PTPRD: variants seen among roughly 807,000 people sequenced by gnomAD.
The protein encoded by PTPRD is protein tyrosine phosphatase receptor type D, also known as receptor-type tyrosine-protein phosphatase delta.
PTPRD carries 34 observed loss-of-function variants against 214.5 expected under a neutral mutation model. That is an observed-to-expected ratio of 0.16 (90% CI 0.12 to 0.21). PTPRD has a LOEUF of 0.21. Ranked by LOEUF, PTPRD falls within the 10% of genes least tolerant of loss-of-function variation. The pLI is 1.00. For missense variants in PTPRD, 2,545 were observed against 2,398.7 expected, an observed-to-expected ratio of 1.06 and a Z score of -1.27; for synonymous variants, 1,128 against 845.7, an observed-to-expected ratio of 1.33 and a Z score of -5.79.
At chr9:8,853,846 C>T (rs1371940693) in intron 11 of PTPRD, among the ~76,000 whole-genome samples, 1 of 151,910 alleles carries the variant, frequency 6.6e-6, no homozygotes, top group East Asian at 1.9e-4. Flanking sequence ...AGCAGCTTTC[C>T]TAAAAGATAT....
chr9:10,375,264 T>A (rs2097705654), intron 2 of PTPRD, among the ~76,000 whole-genome samples: 1 of 152,082 alleles, frequency 6.6e-6, no homozygotes, highest in Non-Finnish European at 1.5e-5. Context: ...CTTAAAATTA[T>A]ATACAGAATG....
chr9:9,611,023 T>G (rs2094484717), intron 7 of PTPRD, among the ~76,000 whole-genome samples: 1 of 152,226 alleles, frequency 6.6e-6, no homozygotes, highest in Non-Finnish European at 1.5e-5. Flanking sequence ...AGTCTTCTAT[T>G]GTACCCTTAA....
chr9:9,622,873 G>T (rs1354217097), intron 7 of PTPRD, among the ~76,000 whole-genome samples: 1 of 152,172 alleles, frequency 6.6e-6, no homozygotes, highest in Non-Finnish European at 1.5e-5. Flanking sequence ...TAAGGGAAAA[G>T]ATTCTAAAAT....
Position 8,339,055 on chromosome 9 carries a change from GAGA to G in PTPRD, c.5254-11_5254-9del. On this transcript the variant is annotated splice_polypyrimidine_tract_variant and intron_variant, in intron 42 of 45. Transcript: ENST00000381196. Reference sequence around the variant, plus strand: ...GTATTGGTGACATTTCTCCTAAAAGGAGAGAAGATTAATGTTAAACTATGCAAA... The same window carrying G: ...GTATTGGTGACATTTCTCCTAAAAGGGAAGATTAATGTTAAACTATGCAAA... 1 of 1,609,304 alleles carries G rather than the reference GAGA, an allele frequency of 6.2e-7. No homozygotes were observed. Among genetic ancestry groups the G allele is most frequent in the South Asian group, 1.1e-5 (1 of 90,674 alleles).
intron 11 of PTPRD, among the ~76,000 whole-genome samples, chr9:8,744,002 A>G (rs1275877477): frequency 3.3e-5 from 5 of 152,000 alleles, no homozygotes; most frequent in Non-Finnish European, 7.4e-5. Flanking sequence ...CTCAAAAAAG[A>G]TATACAAATG....
chr9:8,503,515 C>T (rs1563895739), intron 23 of PTPRD, among the ~76,000 whole-genome samples: 1 of 152,074 alleles, frequency 6.6e-6, no homozygotes, highest in South Asian at 2.1e-4. Context: ...ACCAAACTTT[C>T]CACCAAAAAC....
intron 12 of PTPRD, among the ~76,000 whole-genome samples, chr9:8,647,910 T>G (rs2096728860): frequency 6.6e-6 from 1 of 152,220 alleles, no homozygotes; most frequent in African/African-American, 2.4e-5. Context: ...TTAGCACAGC[T>G]GACCAACCTT....
At chr9:8,667,925 T>C (rs537592853) in intron 12 of PTPRD, among the ~76,000 whole-genome samples, 58 of 152,280 alleles carry the variant, frequency 3.8e-4, no homozygotes, top group African/African-American at 1.3e-3. Context: ...GAGCCTATTC[T>C]GGCTTGAGAA....
At chr9:9,356,489 A>T (rs1248259996) in intron 9 of PTPRD, among the ~76,000 whole-genome samples, 1 of 151,492 alleles carries the variant, frequency 6.6e-6, no homozygotes, top group South Asian at 2.1e-4. Flanking sequence ...CATATTCATT[A>T]TGAATCATAT....
chr9:9,581,706 C>T (rs575905606), intron 7 of PTPRD, among the ~76,000 whole-genome samples: 1 of 152,190 alleles, frequency 6.6e-6, no homozygotes, highest in East Asian at 1.9e-4. Flanking sequence ...TTAATCAATG[C>T]CTAACTTATT....
At chr9:9,391,248 T>C (rs1190999153) in intron 9 of PTPRD, among the ~76,000 whole-genome samples, 2 of 152,162 alleles carry the variant, frequency 1.3e-5, no homozygotes, top group Non-Finnish European at 2.9e-5. Flanking sequence ...CAAGGAATAA[T>C]TTGTGTAGCC....
rs559486967 is a variant in PTPRD at position 8,480,496 on chromosome 9, C to A, written c.3413+3623G>T. Among the ~76,000 whole-genome samples, 183 of 152,280 alleles carry A rather than the reference C, an allele frequency of 1.2e-3. 1 individual carries two copies. The highest frequency in any genetic ancestry group is 3.8e-3 in the African/African-American group (157 of 41,544). ...CCCAATTAACTATGCTGTATGAGAACAATGAGAAAGGACACACTGTCGCTA... is the reference window on the plus strand; with the variant it reads ...CCCAATTAACTATGCTGTATGAGAAAAATGAGAAAGGACACACTGTCGCTA... On this transcript the variant is annotated intron_variant, in intron 30 of 45. Coordinates refer to ENST00000381196, the MANE Select transcript of PTPRD (RefSeq NM_002839.4).
intron 12 of PTPRD, among the ~76,000 whole-genome samples, chr9:8,683,774 C>T (rs1470012647): frequency 2.0e-5 from 3 of 152,304 alleles, no homozygotes; most frequent in East Asian, 1.9e-4. Flanking sequence ...CAAGGAGACA[C>T]GGCTTCTGCC....
At chr9:10,073,167 T>C (rs1303935493) in intron 3 of PTPRD, among the ~76,000 whole-genome samples, 1 of 152,030 alleles carries the variant, frequency 6.6e-6, no homozygotes, top group Admixed American at 6.6e-5. Context: ...CACAAGGTTT[T>C]AGGGCAGTGA....
At chr9:9,436,530 A>C (rs932873067) in intron 8 of PTPRD, among the ~76,000 whole-genome samples, 1 of 152,124 alleles carries the variant, frequency 6.6e-6, no homozygotes, top group Non-Finnish European at 1.5e-5. Context: ...ATGCATCCTA[A>C]AATAATTTCC....
rs765495792 is a variant in PTPRD, at chr9:8,607,479, CAAA to C, written c.352+25835_352+25837del. ...TCAACATGGTGAAACCCCGTCTCTA[CAAA>C]AAATACAAAAATTAGCTGATCGTGG... is the stretch of plus-strand genomic sequence containing the variant. On this transcript the variant is annotated intron_variant, in intron 14 of 45. Coordinates refer to ENST00000381196, the MANE Select transcript of PTPRD (RefSeq NM_002839.4). 1.4e-4 allele frequency among the ~76,000 whole-genome samples: 22 copies of C among 152,100 alleles called. No individual in the cohort carries two copies. The East Asian group carries it at 2.3e-3, about 16-fold the overall frequency.
In PTPRD at chr9:9,647,731, G is replaced by T. The variant is rs984462528; in HGVS notation, c.-286-72950C>A. 2.6e-5 allele frequency among the ~76,000 whole-genome samples: 4 copies of T among 152,286 alleles called. No individual in the cohort carries two copies. In the East Asian group the frequency reaches 5.8e-4, roughly 22 times the overall value. ...CTTGTTCAGCCTTATTGTGACAGCA[G>T]ACCTTTTTGTCTTGGCTTTATGTAG... is the stretch of plus-strand genomic sequence containing the variant. On this transcript the variant is annotated intron_variant, in intron 7 of 45. Coordinates refer to ENST00000381196, the MANE Select transcript of PTPRD (RefSeq NM_002839.4).
intron 11 of PTPRD, among the ~76,000 whole-genome samples, chr9:8,921,349 A>T (rs1183264393): frequency 6.6e-6 from 1 of 152,152 alleles, no homozygotes; most frequent in Admixed American, 6.5e-5. Flanking sequence ...CACACACATG[A>T]CTATCCAATG....
chr9:10,565,906 T>A (rs1415862525), intron 2 of PTPRD, among the ~76,000 whole-genome samples: 1 of 151,884 alleles, frequency 6.6e-6, no homozygotes, highest in Non-Finnish European at 1.5e-5. Flanking sequence ...CCTTTTTCTC[T>A]AAGGTTAACC....
Sources: gnomAD v4.1 joint callset for allele counts (sites outside exome capture counted in the v4.1 genomes callset) on GRCh38, gnomAD v4.1.1 for gene constraint, MANE v1.5 for transcripts, NCBI Gene and HGNC (gene_info 2026-07-23, HGNC 2026-07-21) for gene names.